SERPINF1: variants seen among roughly 807,000 people sequenced by gnomAD.
The protein encoded by SERPINF1 is pigment epithelium-derived factor.
A neutral mutation model predicts 37.3 loss-of-function variants in SERPINF1; 29 were observed. That is an observed-to-expected ratio of 0.78 (90% CI 0.58 to 1.06). SERPINF1 has a LOEUF of 1.06. SERPINF1 is among the 50% of genes least tolerant of loss of function. The pLI is 0.00. For synonymous variants in SERPINF1, 281 were observed against 227.9 expected (o/e 1.23, Z -2.10); for missense variants, 553 against 532.2 (o/e 1.04, Z -0.38).
At chr17:1,764,011 C>T (rs1907228593) in intron 1 of SERPINF1, among the ~76,000 whole-genome samples, 1 of 152,204 alleles carries the variant, frequency 6.6e-6, no homozygotes, top group Non-Finnish European at 1.5e-5. Flanking sequence ...GGTGAAACCC[C>T]ATCTCTACTA....
At chr17:1,764,037 C>G (rs1210841788) in intron 1 of SERPINF1, among the ~76,000 whole-genome samples, 1 of 152,200 alleles carries the variant, frequency 6.6e-6, no homozygotes, top group Non-Finnish European at 1.5e-5. Context: ...TAAAAATTAA[C>G]CAGGTGTGGT....
In SERPINF1 at chr17:1,770,851, T is replaced by A. The variant is rs534038443; in HGVS notation, c.284-178T>A. On this transcript the variant is annotated intron_variant, in intron 3 of 7. Coordinates refer to ENST00000254722, the MANE Select transcript of SERPINF1 (RefSeq NM_002615.7). ...CCTTCCAGGCCTGATGCCTTTAACC[T>A]ACTTCAGGAAAATCTCTAAGGATGA... The A allele has an allele frequency of 3.5e-5, 26 of 751,912 alleles. No individual in the cohort carries two copies. In the South Asian group the frequency reaches 3.9e-4, roughly 11 times the overall value. The allele number at this position is 751,912 out of a possible 1,614,324, so 46.6% of individuals were successfully genotyped here. A position where few individuals can be genotyped will look rare whatever the true frequency, so the allele number is the denominator to read the frequency against.
intron 2 of SERPINF1, among the ~76,000 whole-genome samples, chr17:1,767,531 G>A (rs995059112): frequency 6.6e-6 from 1 of 152,222 alleles, no homozygotes; most frequent in East Asian, 1.9e-4. Context: ...TGACCAGGCT[G>A]TGGCAGGGAG....
chr17:1,771,530 G>C (rs1349288232), intron 4 of SERPINF1, among the ~76,000 whole-genome samples: 1 of 152,080 alleles, frequency 6.6e-6, no homozygotes, highest in Non-Finnish European at 1.5e-5. Context: ...GAGCCACCGC[G>C]CTCGGCCCGT....
At chr17:1,775,454 T>C (rs1361620083) in intron 6 of SERPINF1, among the ~76,000 whole-genome samples, 1 of 152,210 alleles carries the variant, frequency 6.6e-6, no homozygotes, top group South Asian at 2.1e-4. Flanking sequence ...GCCCTCAGAC[T>C]GGGCACCCAC....
rs539584593 is a variant in SERPINF1 at position 1,776,854 on chromosome 17, C to A, written c.997+112C>A. 13 of 977,398 alleles carry A rather than the reference C, an allele frequency of 1.3e-5. No individual in the cohort carries two copies. The Admixed American group carries it at 2.3e-4, about 18-fold the overall frequency. The allele number at this position is 977,398 out of a possible 1,614,324, so 60.5% of individuals were successfully genotyped here. On this transcript the variant is annotated intron_variant, in intron 7 of 7. Coordinates refer to ENST00000254722, the MANE Select transcript of SERPINF1 (RefSeq NM_002615.7). ...GGGCTCCACAGGCTTGTAGGGGGGCCGTGGATGAGTCCTTAATCCTCATCG... is the reference window on the plus strand; with the variant it reads ...GGGCTCCACAGGCTTGTAGGGGGGCAGTGGATGAGTCCTTAATCCTCATCG...
Position 1,771,935 on chromosome 17 carries a change from T to C in SERPINF1, c.503T>C (p.Val168Ala). 1 of 1,613,894 alleles carries C rather than the reference T, an allele frequency of 6.2e-7. No individual in the cohort carries two copies. The highest frequency in any genetic ancestry group is 8.5e-7 in the Non-Finnish European group (1 of 1,179,984). ...LEKSYGTRPR[V>A]LTGNPRLDLQ... ...AAGTCATATGGGACCAGGCCCAGAG[T>C]CCTGACGGGCAACCCTCGCTTGGAC... The change falls in exon 5 of 8, where the codon GTC becomes GCC. Residue 168 changes from valine to alanine, a missense_variant. Physicochemically the swap from Val to Ala is moderately conservative, Grantham distance 64 (BLOSUM62 0). Coordinates refer to ENST00000254722, the MANE Select transcript of SERPINF1 (RefSeq NM_002615.7).
chr17:1,764,188 C>CA (rs560671723), intron 1 of SERPINF1, among the ~76,000 whole-genome samples: 12 of 151,976 alleles, frequency 7.9e-5, no homozygotes, highest in African/African-American at 2.4e-4. Flanking sequence ...GTCTCAAAAA[C>CA]AAAAAAAACT....
At chr17:1,769,033 C>T (rs546932936) in intron 2 of SERPINF1, among the ~76,000 whole-genome samples, 7 of 151,640 alleles carry the variant, frequency 4.6e-5, no homozygotes, top group Non-Finnish European at 1.0e-4. Flanking sequence ...TCTCGAACTC[C>T]TGACCTCAAG....
intron 5 of SERPINF1, among the ~76,000 whole-genome samples, chr17:1,772,850 T>C (rs1342154328): frequency 6.6e-6 from 1 of 151,806 alleles, no homozygotes; most frequent in Non-Finnish European, 1.5e-5. Context: ...CCGGCCCTTT[T>C]ACATTTATTT....
Position 1,770,064 on chromosome 17 carries a change from T to G in SERPINF1, c.283+14T>G. 1 of 1,613,956 alleles carries G rather than the reference T, an allele frequency of 6.2e-7. No homozygotes were observed. Among genetic ancestry groups the G allele is most frequent in the Non-Finnish European group, 8.5e-7 (1 of 1,179,962 alleles). Reference sequence around the variant, plus strand: ...CCCTCTCGCTGGGTGAGTGCTCAGATGCAGGAAGCCCCAGGCAGACCTGGA... The same window carrying G: ...CCCTCTCGCTGGGTGAGTGCTCAGAGGCAGGAAGCCCCAGGCAGACCTGGA... On this transcript the variant is annotated intron_variant, in intron 3 of 7. Transcript: ENST00000254722.
At chr17:1,776,496 TG>T in intron 6 of SERPINF1, 35 bp from the exon 7 acceptor site, 1 of 1,607,232 alleles carries the variant, frequency 6.2e-7, no homozygotes, top group Non-Finnish European at 8.5e-7. Context: ...TTTTGGGCTC[TG>T]AAGGACTAAC....
chr17:1,766,981 GC>G lies in SERPINF1; in HGVS notation c.77del (p.Pro26ArgfsTer26), dbSNP rs1272920425. 31 of 1,555,374 alleles carry G rather than the reference GC, an allele frequency of 2.0e-5. No homozygotes were observed. Among genetic ancestry groups the G allele is most frequent in the Non-Finnish European group, 2.7e-5 (31 of 1,149,238 alleles). On this transcript the variant is annotated frameshift_variant, in exon 2 of 8. Transcript: ENST00000254722. LOFTEE classifies it high-confidence loss of function. ...CACAGCAGCTGCCAGAACCCTGCCA[GC>G]CCCCCGGAGGAGGTCAGTAGGCAGG... is the stretch of plus-strand genomic sequence containing the variant. ...LGHSSCQNPA[S>X]PPEEGSPDPD...
Position 1,771,853 on chromosome 17 carries a change from C to T in SERPINF1, c.440-19C>T. On this transcript the variant is annotated intron_variant, in intron 4 of 7. Coordinates refer to ENST00000254722, the MANE Select transcript of SERPINF1 (RefSeq NM_002615.7). ...GTCGTCGAGTCTCATACGCTAACCT[C>T]TGCTCCGCCTCTTCTCAGAGCTGCG... is the stretch of plus-strand genomic sequence containing the variant. 6.2e-7 allele frequency: 1 copy of T among 1,608,174 alleles called. No homozygotes were observed. Among genetic ancestry groups the T allele is most frequent in the Non-Finnish European group, 8.5e-7 (1 of 1,179,354 alleles).
chr17:1,766,171 C>T (rs1397528701), intron 1 of SERPINF1: 2 of 152,244 alleles, frequency 1.3e-5, no homozygotes, highest in African/African-American at 4.8e-5. Context: ...GCCTCCAGGA[C>T]AAAGCTTTAG....
rs763291398 is a variant in SERPINF1, at chr17:1,776,652, C to A, written c.907C>A (p.Arg303=). 6 of 1,613,898 alleles carry A rather than the reference C, an allele frequency of 3.7e-6. No homozygotes were observed. Among genetic ancestry groups the A allele is most frequent in the Admixed American group, 1.7e-5 (1 of 59,970 alleles). The change falls in exon 7 of 8, where the codon CGA becomes AGA. Residue 303 remains arginine (R), a synonymous_variant. Transcript: ENST00000254722. The stretch of plus-strand genomic sequence containing the variant: ...CTCCGAGTTCATTCATGACATAGAC[C>A]GAGAACTGAAGACCGTGCAGGCGGT... ...LTSEFIHDID[R]ELKTVQAVLT...
chr17:1,764,432 T>G (rs1480784823), intron 1 of SERPINF1, among the ~76,000 whole-genome samples: 1 of 152,236 alleles, frequency 6.6e-6, no homozygotes, highest in Non-Finnish European at 1.5e-5. Flanking sequence ...TGTCTTGCGC[T>G]GCAGAAAGCT....
At chr17:1,772,748 C>T (rs1253097070) in intron 5 of SERPINF1, among the ~76,000 whole-genome samples, 6 of 149,144 alleles carry the variant, frequency 4.0e-5, no homozygotes, top group Non-Finnish European at 7.4e-5. Context: ...TTAGTAGAGA[C>T]GGGGTTTCAC....
At position 1,767,030 on chromosome 17, in the gene SERPINF1, C is replaced by T. The variant is rs536469206; in HGVS notation, c.84+36C>T. 4.6e-6 allele frequency: 7 copies of T among 1,515,730 alleles called. No individual in the cohort carries two copies. In the African/African-American group the frequency reaches 6.9e-5, roughly 15 times the overall value. The allele number at this position is 1,515,730 out of a possible 1,614,324, so 93.9% of individuals were successfully genotyped here. ...AGGCGGGGAGGGCGTGGTCAGCATT[C>T]CCCGCCCCTCCTTGGCAGGCAGCAC... is the stretch of plus-strand genomic sequence containing the variant. On this transcript the variant is annotated intron_variant, in intron 2 of 7. Transcript: ENST00000254722.
Sources: allele counts gnomAD v4.1 joint callset (sites outside exome capture counted in the v4.1 genomes callset), GRCh38; gene constraint gnomAD v4.1.1; transcripts MANE v1.5; gene names NCBI Gene and HGNC (gene_info 2026-07-23, HGNC 2026-07-21).